The following AGO3 variants were observed in gnomAD, a reference collection of about 807,000 sequenced individuals.
The protein encoded by AGO3 is argonaute RISC catalytic component 3, also known as protein argonaute-3.
In AGO3, 16 loss-of-function variants were observed where a neutral mutation model predicts 105.5. The observed-to-expected ratio is 0.15, with a 90% CI of 0.10 to 0.23. The LOEUF is 0.23. Ranked by LOEUF, AGO3 falls within the 10% of genes least tolerant of loss-of-function variation. The pLI is 1.00. For synonymous variants in AGO3, 340 were observed against 367.3 expected, an observed-to-expected ratio of 0.93 and a Z score of 0.85; for missense variants, 534 against 1,088.0, an observed-to-expected ratio of 0.49 and a Z score of 7.16.
Position 36,008,918 on chromosome 1 carries a change from C to T in AGO3, c.903C>T (p.Asn301=), listed in dbSNP as rs753060937. ...SHQTFPLQLE[N]GQTVERTVAQ... ...TCAGCTTTCCTTTACAGTTAGAAAA[C>T]GGCCAAACTGTGGAGAGAACAGTAG... The change falls in exon 8 of 19, where the codon AAC becomes AAT. Residue 301 remains asparagine, a synonymous_variant. Coordinates refer to ENST00000373191, the MANE Select transcript of AGO3 (RefSeq NM_024852.4). This position sits in a 1 kb window ranked among gnomAD's most constrained non-coding sequence, Gnocchi z 5.1. 9.9e-6 allele frequency: 16 copies of T among 1,613,584 alleles called. No homozygotes were observed. The highest frequency in any genetic ancestry group is 5.5e-5 in the South Asian group (5 of 91,082).
upstream of AGO3, chr1:35,931,027 G>A (rs1646032101): frequency 2.7e-6 from 1 of 371,192 alleles, no homozygotes; most frequent in Admixed American, 4.6e-5. Context: ...ACGGCTCGGG[G>A]CCCAGAGGCG....
At chr1:35,975,031 A>C (rs966363762) in intron 5 of AGO3, among the ~76,000 whole-genome samples, 1 of 152,086 alleles carries the variant, frequency 6.6e-6, no homozygotes, top group Non-Finnish European at 1.5e-5. Flanking sequence ...TTTTCTTTAG[A>C]TGTATACTAG....
In AGO3 at chr1:36,068,808, A is replaced by C. The variant is rs1337077616; in HGVS notation, c.*13063A>C. 1.3e-5 allele frequency: 2 copies of C among 152,214 alleles called. No homozygotes were observed. Among genetic ancestry groups the C allele is most frequent in the Non-Finnish European group, 2.9e-5 (2 of 68,048 alleles). The allele number at this position is 152,214 out of a possible 1,614,324, so 9.4% of individuals were successfully genotyped here. ...TGATATGTGCAAAATATTGTGTAAAAATAGTTTAAAACTCATCCCAGTTCC... is the reference window on the plus strand; with the variant it reads ...TGATATGTGCAAAATATTGTGTAAACATAGTTTAAAACTCATCCCAGTTCC... On this transcript the variant is annotated 3_prime_UTR_variant, in exon 19 of 19. Transcript: ENST00000373191.
chr1:35,987,867 A>G (rs1647265779), intron 5 of AGO3, among the ~76,000 whole-genome samples: 1 of 152,068 alleles, frequency 6.6e-6, no homozygotes, highest in African/African-American at 2.4e-5. Flanking sequence ...CAGGAGTTCG[A>G]GACCAGCCTG....
At chr1:36,030,516 A>T (rs964696873) in intron 12 of AGO3, among the ~76,000 whole-genome samples, 1 of 151,972 alleles carries the variant, frequency 6.6e-6, no homozygotes, top group Non-Finnish European at 1.5e-5. Flanking sequence ...AAAAAAAAAA[A>T]AAAAGAGAGA....
At chr1:35,932,656 T>A (rs1646075162) in intron 1 of AGO3, among the ~76,000 whole-genome samples, 1 of 151,922 alleles carries the variant, frequency 6.6e-6, no homozygotes, top group African/African-American at 2.4e-5. Context: ...CTTTCCCCCA[T>A]ATCGTCTTAA....
intron 17 of AGO3, among the ~76,000 whole-genome samples, chr1:36,049,128 T>C (rs1642594117): frequency 6.6e-6 from 1 of 152,146 alleles, no homozygotes; most frequent in Non-Finnish European, 1.5e-5. Context: ...ATGCTCTCAC[T>C]TAAAAGTGGG....
chr1:35,931,506 C>A, intron 1 of AGO3, 61 bp downstream of exon 1: 1 of 1,340,380 alleles, frequency 7.5e-7, no homozygotes, highest in South Asian at 1.9e-5. Flanking sequence ...TCTGAGCATC[C>A]CTGCTCCTCC....
intron 2 of AGO3, among the ~76,000 whole-genome samples, chr1:35,952,136 C>CTTTTTTT (rs1557648119): frequency 9.0e-6 from 1 of 111,522 alleles, no homozygotes; most frequent in African/African-American, 4.4e-5. Context: ...TTCTTTCTTT[C>CTTTTTTT]TTTCTTTCTT....
intron 2 of AGO3, among the ~76,000 whole-genome samples, chr1:35,957,959 A>G (rs1646601883): frequency 6.6e-6 from 1 of 152,008 alleles, no homozygotes; most frequent in Non-Finnish European, 1.5e-5. Flanking sequence ...CTAGCTACTC[A>G]GGAGGCTGAG....
rs573830074 is a variant in AGO3 at position 36,068,111 on chromosome 1, A to G, written c.*12366A>G. ...AATTGTTCTTTTTTCCCCATCACAC[A>G]CACTCACACACAAACACACACACTG... On this transcript the variant is annotated 3_prime_UTR_variant, in exon 19 of 19. Coordinates refer to ENST00000373191, the MANE Select transcript of AGO3 (RefSeq NM_024852.4). 101 of 152,312 alleles carry G rather than the reference A, an allele frequency of 6.6e-4. No individual in the cohort carries two copies. Among genetic ancestry groups the G allele is most frequent in the African/African-American group, 2.3e-3 (96 of 41,560 alleles). 9.4% of individuals were successfully genotyped at this position (152,312 alleles called of 1,614,324 possible).
intron 16 of AGO3, 101 bp downstream of exon 16, chr1:36,040,542 T>C (rs1034341393): frequency 7.0e-6 from 9 of 1,282,450 alleles, no homozygotes; most frequent in African/African-American, 1.5e-5. Flanking sequence ...GGATTTCCAA[T>C]ATATAGTAGC....
intron 5 of AGO3, among the ~76,000 whole-genome samples, chr1:35,993,625 A>G (rs1291403920): frequency 2.0e-5 from 3 of 152,038 alleles, no homozygotes; most frequent in African/African-American, 7.2e-5. Context: ...ACAAAACTCC[A>G]GTCCCAAATG....
In AGO3 at chr1:36,008,624, GC is replaced by G; in HGVS notation, c.794-65del. 2 of 1,488,876 alleles carry G rather than the reference GC, an allele frequency of 1.3e-6. No homozygotes were observed. The highest frequency in any genetic ancestry group is 1.9e-6 in the Non-Finnish European group (2 of 1,076,662). The allele number at this position is 1,488,876 out of a possible 1,614,324, so 92.2% of individuals were successfully genotyped here. On this transcript the variant is annotated intron_variant, in intron 6 of 18. Coordinates refer to ENST00000373191, the MANE Select transcript of AGO3 (RefSeq NM_024852.4). This position sits in a 1 kb window ranked among gnomAD's most constrained non-coding sequence, Gnocchi z 5.1. ...ATTGAGTTTTTATGGTAATGAACAGGCTTTATAAGTATAAATATTTTACATG... is the reference window on the plus strand; with the variant it reads ...ATTGAGTTTTTATGGTAATGAACAGGTTTATAAGTATAAATATTTTACATG...
At chr1:36,015,395 A>G (rs1300864203) in intron 11 of AGO3, among the ~76,000 whole-genome samples, 2 of 152,152 alleles carry the variant, frequency 1.3e-5, no homozygotes, top group Non-Finnish European at 2.9e-5. Context: ...TTGGATTTTT[A>G]TGGATGCTTC....
chr1:35,989,798 C>T lies in AGO3; in HGVS notation c.659-14543C>T, dbSNP rs373067487. The stretch of plus-strand genomic sequence containing the variant: ...GTTGAGGTGGGAGAATCACTTGAGC[C>T]GGGAGGTGGAGGTTCCAGTGAGCCA... On this transcript the variant is annotated intron_variant, in intron 5 of 18. Transcript: ENST00000373191. 2.6e-5 allele frequency among the ~76,000 whole-genome samples: 4 copies of T among 151,832 alleles called. No homozygotes were observed. The East Asian group carries it at 7.8e-4, about 29-fold the overall frequency.
intron 1 of AGO3, among the ~76,000 whole-genome samples, chr1:35,941,366 T>C (rs1262327360): frequency 1.3e-5 from 2 of 152,056 alleles, no homozygotes; most frequent in Non-Finnish European, 2.9e-5. Flanking sequence ...CTTGTACCCT[T>C]ATGTATAATT....
In AGO3 at chr1:36,069,382, G is replaced by A. The variant is rs550865821; in HGVS notation, c.*13637G>A. 6.6e-6 allele frequency: 1 copy of A among 152,152 alleles called. No homozygotes were observed. Among genetic ancestry groups the A allele is most frequent in the Admixed American group, 6.5e-5 (1 of 15,298 alleles). The allele number at this position is 152,152 out of a possible 1,614,324, so 9.4% of individuals were successfully genotyped here. A position where few individuals can be genotyped will look rare whatever the true frequency, so the allele number is the denominator to read the frequency against. On this transcript the variant is annotated 3_prime_UTR_variant, in exon 19 of 19. Coordinates refer to ENST00000373191, the MANE Select transcript of AGO3 (RefSeq NM_024852.4). ...GCCACCCAAAGTGCTGGGATTATAG[G>A]CATGATCACTAAATTGTTGTAAGAA...
intron 5 of AGO3, among the ~76,000 whole-genome samples, chr1:35,981,197 A>T (rs1647046826): frequency 6.6e-6 from 1 of 152,164 alleles, no homozygotes; most frequent in African/African-American, 2.4e-5. Context: ...TCTTTGTCAG[A>T]AATGTCGCGG....
Sources: allele counts gnomAD v4.1 joint callset (sites outside exome capture counted in the v4.1 genomes callset), GRCh38; gene constraint gnomAD v4.1.1; non-coding constraint Gnocchi (gnomAD v3.1); transcripts MANE v1.5; gene names NCBI Gene and HGNC (gene_info 2026-07-23, HGNC 2026-07-21).